The following RASGEF1B variants were observed in gnomAD, a reference collection of about 807,000 sequenced individuals.
RASGEF1B encodes ras-GEF domain-containing family member 1B.
In RASGEF1B, 30 loss-of-function variants were observed where a neutral mutation model predicts 65.7. The observed-to-expected ratio is 0.46, with a 90% CI of 0.34 to 0.62. The LOEUF (loss-of-function observed/expected upper bound fraction) is 0.62. Among genes scored for constraint, RASGEF1B ranks in the 20% least tolerant of loss-of-function variants. RASGEF1B has a pLI of 0.01. For missense variants in RASGEF1B, 495 were observed against 580.1 expected (o/e 0.85, Z 1.51); for synonymous variants, 175 against 194.8 (o/e 0.90, Z 0.85).
intron 10 of RASGEF1B, among the ~76,000 whole-genome samples, chr4:81,439,392 G>T (rs1171077545): frequency 6.6e-6 from 1 of 152,182 alleles, no homozygotes; most frequent in Non-Finnish European, 1.5e-5. Flanking sequence ...TTTATTAAAT[G>T]ATGTGAAGGG....
At chr4:81,439,179 T>G (rs926986224) in intron 10 of RASGEF1B, among the ~76,000 whole-genome samples, 2 of 152,204 alleles carry the variant, frequency 1.3e-5, no homozygotes, top group African/African-American at 2.4e-5. Context: ...TCCATAATTA[T>G]GTAAATTATG....
intron 8 of RASGEF1B, among the ~76,000 whole-genome samples, 154 bp downstream of exon 8, chr4:81,445,372 T>C (rs1204196120): frequency 6.6e-6 from 1 of 152,226 alleles, no homozygotes; most frequent in Non-Finnish European, 1.5e-5. Flanking sequence ...CTTGCACTCA[T>C]TTGGCTATTT....
At chr4:81,447,460 T>C in intron 6 of RASGEF1B, 44 bp downstream of exon 6, 1 of 1,387,970 alleles carries the variant, frequency 7.2e-7, no homozygotes, top group Non-Finnish European at 1.0e-6. Context: ...GACTGATAAA[T>C]CCCATTTTTG....
chr4:81,461,798 T>A (rs1722657052), intron 1 of RASGEF1B, among the ~76,000 whole-genome samples: 1 of 152,056 alleles, frequency 6.6e-6, no homozygotes, highest in African/African-American at 2.4e-5. Flanking sequence ...CACAATCTAG[T>A]CCAATCTCCT....
intron 2 of RASGEF1B, among the ~76,000 whole-genome samples, chr4:81,458,184 G>A (rs1466028184): frequency 1.3e-5 from 2 of 152,138 alleles, no homozygotes; most frequent in Non-Finnish European, 2.9e-5. Context: ...TAAAGGCAAA[G>A]CAATTTAATA....
intron 8 of RASGEF1B, among the ~76,000 whole-genome samples, chr4:81,444,200 T>G (rs935335129): frequency 6.6e-6 from 1 of 152,234 alleles, no homozygotes; most frequent in Admixed American, 6.5e-5. Flanking sequence ...GTCAGCTCTA[T>G]GTATTACATA....
chr4:81,454,477 C>T (rs971547991), intron 4 of RASGEF1B: 2 of 152,162 alleles, frequency 1.3e-5, no homozygotes, highest in Non-Finnish European at 2.9e-5. Flanking sequence ...CAAGAAAAAG[C>T]CCTTATGATG....
chr4:81,450,674 G>A (rs1487954953), intron 4 of RASGEF1B, among the ~76,000 whole-genome samples: 2 of 151,896 alleles, frequency 1.3e-5, no homozygotes, highest in Admixed American at 1.3e-4. Context: ...CAAGATGCTG[G>A]GATTATTAAG....
chr4:81,456,323 T>G (rs1035831450), intron 4 of RASGEF1B: 2 of 587,400 alleles, frequency 3.4e-6, no homozygotes, highest in Admixed American at 3.2e-5. Context: ...ATTTATCATC[T>G]AACTAGCTGT....
At chr4:81,431,453 T>C (rs1721426897) in intron 13 of RASGEF1B, among the ~76,000 whole-genome samples, 1 of 152,114 alleles carries the variant, frequency 6.6e-6, no homozygotes, top group East Asian at 1.9e-4. Context: ...AATGCCTTCA[T>C]ACCTTATCCC....
chr4:81,430,174 G>A (rs1425733189), intron 13 of RASGEF1B, among the ~76,000 whole-genome samples: 9 of 152,134 alleles, frequency 5.9e-5, no homozygotes, highest in Admixed American at 1.3e-4. Context: ...GGTGGCGGGC[G>A]CCTGTAGTCC....
chr4:81,448,681 C>T (rs1722136550), intron 4 of RASGEF1B, among the ~76,000 whole-genome samples: 1 of 152,182 alleles, frequency 6.6e-6, no homozygotes, highest in African/African-American at 2.4e-5. Flanking sequence ...GTCAATGCAT[C>T]CTTTTCCTAA....
intron 13 of RASGEF1B, 125 bp from the exon 14 acceptor site, chr4:81,427,917 A>C: frequency 1.0e-6 from 1 of 995,810 alleles, no homozygotes; most frequent in Non-Finnish European, 1.4e-6. Flanking sequence ...ACAAAGTTAA[A>C]CCAGGAAAAA....
intron 6 of RASGEF1B, among the ~76,000 whole-genome samples, chr4:81,447,126 T>G (rs1387835595): frequency 6.6e-6 from 1 of 152,210 alleles, no homozygotes; most frequent in Non-Finnish European, 1.5e-5. Context: ...ATCCTGTCTT[T>G]CCTGCCCCTG....
intron 10 of RASGEF1B, among the ~76,000 whole-genome samples, chr4:81,438,985 G>A (rs1721741910): frequency 2.0e-5 from 3 of 151,914 alleles, no homozygotes; most frequent in African/African-American, 7.3e-5. Flanking sequence ...ATGGGCATTT[G>A]GGTTGGAACC....
At chr4:81,430,199 G>A (rs946278305) in intron 13 of RASGEF1B, among the ~76,000 whole-genome samples, 1 of 152,180 alleles carries the variant, frequency 6.6e-6, no homozygotes, top group Non-Finnish European at 1.5e-5. Flanking sequence ...TGCTTGGGAG[G>A]CTGAAGCAGG....
Position 81,448,179 on chromosome 4 carries a change from T to G in RASGEF1B, c.544A>C (p.Thr182Pro). 1 of 1,614,122 alleles carries G rather than the reference T, an allele frequency of 6.2e-7. No individual in the cohort carries two copies. Among genetic ancestry groups the G allele is most frequent in the Non-Finnish European group, 8.5e-7 (1 of 1,180,014 alleles). Reference protein sequence around the residue: ...EVLAKISSTSTDRLTVLKTKP... With the variant: ...EVLAKISSTSPDRLTVLKTKP... ...GTCTTGAGAACTGTGAGCCGATCTG[T>G]GGATGTGGAGCTGATTTTTGCCAGG... The change falls in exon 5 of 14, where the codon ACA becomes CCA. Residue 182 changes from threonine (T) to proline (P), a missense_variant. Coordinates refer to ENST00000264400, the MANE Select transcript of RASGEF1B (RefSeq NM_152545.3).
At position 81,433,825 on chromosome 4, in the gene RASGEF1B, A is replaced by G. The variant is rs774949999; in HGVS notation, c.1324+15T>C. 6 of 1,611,784 alleles carry G rather than the reference A, an allele frequency of 3.7e-6. No homozygotes were observed. In the African/African-American group the frequency reaches 6.7e-5, roughly 18 times the overall value. On this transcript the variant is annotated intron_variant, in intron 12 of 13. Transcript: ENST00000264400. ...TTTGGGGATGCTAGTGGTAGCTCCT[A>G]TTGAATGGCCTTACCATCTTCACTG...
chr4:81,456,554 A>G, intron 4 of RASGEF1B, 97 bp downstream of exon 4: 1 of 1,346,890 alleles, frequency 7.4e-7, no homozygotes, highest in Non-Finnish European at 1.1e-6. Context: ...CAAAACAGAG[A>G]GGAAGCAGTG....
Sources: gnomAD v4.1 joint callset for allele counts (sites outside exome capture counted in the v4.1 genomes callset) on GRCh38, gnomAD v4.1.1 for gene constraint, MANE v1.5 for transcripts, NCBI Gene and HGNC (gene_info 2026-07-23, HGNC 2026-07-21) for gene names.